The following ZFP2 variants were observed in gnomAD, a reference collection of about 807,000 sequenced individuals.
ZFP2 encodes ZFP2 zinc finger protein, also known as zinc finger protein ZFP2.
ZFP2 carries 33 observed loss-of-function variants against 36.1 expected under a neutral mutation model. The observed-to-expected ratio is 0.92, with a 90% CI of 0.69 to 1.22. The LOEUF (loss-of-function observed/expected upper bound fraction) is 1.22, where lower values mean the gene tolerates loss of function less well. ZFP2 is among the 50% of genes most tolerant of loss of function. ZFP2 has a pLI of 0.00. For missense variants in ZFP2, 522 were observed against 551.4 expected (o/e 0.95, Z 0.53); for synonymous variants, 170 against 178.0 (o/e 0.96, Z 0.36).
intron 1 of ZFP2, among the ~76,000 whole-genome samples, chr5:178,906,579 A>G (rs1758171862): frequency 6.6e-6 from 1 of 151,766 alleles, no homozygotes; most frequent in Admixed American, 6.6e-5. Flanking sequence ...TTTTTGAGAC[A>G]GAGTCTCACT....
In ZFP2 at chr5:178,912,968, C is replaced by T. The variant is rs1455225212; in HGVS notation, c.-313-14C>T. 8.1e-6 allele frequency: 8 copies of T among 985,528 alleles called. No homozygotes were observed. Among genetic ancestry groups the T allele is most frequent in the Non-Finnish European group, 9.6e-6 (8 of 829,758 alleles). The allele number at this position is 985,528 out of a possible 1,614,324, so 61.0% of individuals were successfully genotyped here. A position where few individuals can be genotyped will look rare whatever the true frequency, so the allele number is the denominator to read the frequency against. On this transcript the variant is annotated splice_polypyrimidine_tract_variant and intron_variant, in intron 2 of 4. Coordinates refer to ENST00000361362, the MANE Select transcript of ZFP2 (RefSeq NM_030613.4). ...AGTTCAGAACCCAAATTTAATGTCT[C>T]TCCTCTTAAGCAGGAAATCACCTTT...
At chr5:178,913,299 C>T (rs1436791749) in intron 3 of ZFP2, among the ~76,000 whole-genome samples, 2 of 152,204 alleles carry the variant, frequency 1.3e-5, no homozygotes, top group Admixed American at 6.5e-5. Flanking sequence ...CACTTACCCA[C>T]TGCGTGGAAC....
chr5:178,915,780 A>C (rs1161575284), intron 3 of ZFP2: 1 of 152,124 alleles, frequency 6.6e-6, no homozygotes, highest in Non-Finnish European at 1.5e-5. Context: ...CGGTAAGCTG[A>C]GATTGTGCCA....
Position 178,932,843 on chromosome 5 carries a change from C to A in ZFP2, c.*144C>A. On this transcript the variant is annotated 3_prime_UTR_variant, in exon 5 of 5. Transcript: ENST00000361362. Reference sequence around the variant, plus strand: ...TATGTCATATCAGATAATACCACTGCAGAGAATCCATCTAAAAGTAGAGAA... The same window carrying A: ...TATGTCATATCAGATAATACCACTGAAGAGAATCCATCTAAAAGTAGAGAA... The A allele has an allele frequency of 9.8e-7, 1 of 1,018,346 alleles. No individual in the cohort carries two copies. Among genetic ancestry groups the A allele is most frequent in the Non-Finnish European group, 1.4e-6 (1 of 727,020 alleles). 63.1% of individuals were successfully genotyped at this position (1,018,346 alleles called of 1,614,324 possible).
Position 178,929,944 on chromosome 5 carries a change from G to GT in ZFP2, c.-77-1293_-77-1292insT, listed in dbSNP as rs1211399336. Among the ~76,000 whole-genome samples the GT allele has an allele frequency of 6.9e-4, 103 of 149,148 alleles. 1 individual carries two copies. Among genetic ancestry groups the GT allele is most frequent in the Middle Eastern group, 3.6e-3 (1 of 280 alleles). On this transcript the variant is annotated intron_variant, in intron 4 of 4. Transcript: ENST00000361362. ...TAGTGCCAGCATCTGCTTGACGGTGGGGGGGGGGGCTCAGGAGGCTTACAG... is the reference window on the plus strand; with the variant it reads ...TAGTGCCAGCATCTGCTTGACGGTGGTGGGGGGGGGCTCAGGAGGCTTACAG...
intron 1 of ZFP2, among the ~76,000 whole-genome samples, chr5:178,905,615 G>A (rs1193843868): frequency 6.6e-6 from 1 of 152,012 alleles, no homozygotes; most frequent in Non-Finnish European, 1.5e-5. Context: ...TAAACACTAT[G>A]AGGTATCCTG....
chr5:178,925,920 T>C (rs895620178), intron 4 of ZFP2, among the ~76,000 whole-genome samples: 1 of 149,170 alleles, frequency 6.7e-6, no homozygotes, highest in South Asian at 2.1e-4. Flanking sequence ...TGATCACGGC[T>C]CACTGCAGAC....
intron 1 of ZFP2, among the ~76,000 whole-genome samples, chr5:178,900,763 T>C (rs58861854): frequency 5.7e-4 from 3 of 5,230 alleles, no homozygotes; most frequent in Admixed American, 1.6e-3. Flanking sequence ...ACGTCCCCCA[T>C]CCCAGCCAGA....
intron 4 of ZFP2, chr5:178,922,465 C>T: frequency 7.3e-7 from 1 of 1,378,832 alleles, no homozygotes. Context: ...TAGGACCAAA[C>T]CTCAAAGCAT....
At chr5:178,922,228 T>C (rs1758573359) in intron 4 of ZFP2, 2 of 1,071,698 alleles carry the variant, frequency 1.9e-6, no homozygotes, top group Middle Eastern at 4.3e-4. Flanking sequence ...CTGCTGTCAG[T>C]CTAGTACTAT....
At chr5:178,916,856 G>A (rs1021858841) in intron 4 of ZFP2, 146 bp downstream of exon 4, 1 of 533,622 alleles carries the variant, frequency 1.9e-6, no homozygotes, top group African/African-American at 2.1e-5. Context: ...TTGCCCTGCT[G>A]TGTTGTTATT....
chr5:178,908,694 A>G (rs1758225109), intron 1 of ZFP2, among the ~76,000 whole-genome samples: 2 of 151,756 alleles, frequency 1.3e-5, no homozygotes, highest in Non-Finnish European at 2.9e-5. Flanking sequence ...CAAAAAAAAG[A>G]TAACATGTAG....
intron 4 of ZFP2, among the ~76,000 whole-genome samples, chr5:178,929,060 G>A (rs932713806): frequency 2.6e-5 from 4 of 152,202 alleles, no homozygotes; most frequent in African/African-American, 9.7e-5. Flanking sequence ...GCCGTGGGTG[G>A]ATCTGGAGTA....
rs558363882 is a variant in ZFP2, at chr5:178,907,634, A to C, written c.-449-4950A>C. 5.3e-5 allele frequency among the ~76,000 whole-genome samples: 8 copies of C among 151,666 alleles called. No individual in the cohort carries two copies. In the South Asian group the frequency reaches 1.7e-3, roughly 32 times the overall value. On this transcript the variant is annotated intron_variant, in intron 1 of 4. Coordinates refer to ENST00000361362, the MANE Select transcript of ZFP2 (RefSeq NM_030613.4). ...GATATTCAAAGAGATAAATAAATAA[A>C]TAAATAACAATTCAAGCAGAGCTGC... is the stretch of plus-strand genomic sequence containing the variant.
chr5:178,932,173 T>C lies in ZFP2; in HGVS notation c.860T>C (p.Leu287Pro). The C allele has an allele frequency of 6.2e-7, 1 of 1,614,098 alleles. No individual in the cohort carries two copies. The highest frequency in any genetic ancestry group is 8.5e-7 in the Non-Finnish European group (1 of 1,180,004). ...TTTAGTAAGAGCTCAACTCTTACCC[T>C]ACATCAGCGAAATCACACTGGAGAA... ...KAFSKSSTLT[L>P]HQRNHTGEKP... Residue 287 changes from leucine (L) to proline (P), a missense_variant, in exon 5 of 5, where the codon CTA becomes CCA. Physicochemically the swap from Leu to Pro is moderately conservative, Grantham distance 98. Coordinates refer to ENST00000361362, the MANE Select transcript of ZFP2 (RefSeq NM_030613.4).
intron 4 of ZFP2, among the ~76,000 whole-genome samples, chr5:178,918,156 A>T (rs1758480406): frequency 6.6e-6 from 1 of 152,200 alleles, no homozygotes; most frequent in Non-Finnish European, 1.5e-5. Flanking sequence ...AATATGTTTC[A>T]TAAGGGCAGA....
chr5:178,932,491 A>C lies in ZFP2; in HGVS notation c.1178A>C (p.Gln393Pro), dbSNP rs368755432. 6.8e-6 allele frequency: 11 copies of C among 1,614,080 alleles called. No homozygotes were observed. Among genetic ancestry groups the C allele is most frequent in the African/African-American group, 1.3e-5 (1 of 74,942 alleles). ...ECNECGKAFS[Q>P]SAYLIEHQRI... ...AATGAATGTGGAAAGGCATTCAGCC[A>C]GAGTGCTTACCTTATTGAACATCAA... Residue 393 changes from glutamine (Q) to proline (P), a missense_variant, in exon 5 of 5, where the codon CAG (glutamine) becomes CCG (proline). Coordinates refer to ENST00000361362, the MANE Select transcript of ZFP2 (RefSeq NM_030613.4).
chr5:178,929,838 A>G (rs531559634), intron 4 of ZFP2, among the ~76,000 whole-genome samples: 1 of 151,306 alleles, frequency 6.6e-6, no homozygotes, highest in African/African-American at 2.4e-5. Flanking sequence ...CAATTCTCAC[A>G]TTGTTATGAA....
chr5:178,896,730 T>G (rs1249398243), intron 1 of ZFP2, among the ~76,000 whole-genome samples: 1 of 151,780 alleles, frequency 6.6e-6, no homozygotes, highest in East Asian at 1.9e-4. Context: ...ATAGAAACAC[T>G]TTGTACTTTG....
Sources: gnomAD v4.1 joint callset for allele counts (sites outside exome capture counted in the v4.1 genomes callset) on GRCh38, gnomAD v4.1.1 for gene constraint, MANE v1.5 for transcripts, NCBI Gene and HGNC (gene_info 2026-07-23, HGNC 2026-07-21) for gene names.